PARD3B: variants seen among roughly 807,000 people sequenced by gnomAD.
PARD3B encodes the protein partitioning defective 3 homolog B.
In PARD3B, 103 loss-of-function variants were observed where a neutral mutation model predicts 130.2. The ratio of observed to expected loss-of-function variants is 0.79; its 90% CI spans 0.67 to 0.93. The LOEUF is 0.93. Among genes scored for constraint, PARD3B ranks in the 40% least tolerant of loss-of-function variants. The pLI is 0.00. For missense variants in PARD3B, 1,609 were observed against 1,499.2 expected, an observed-to-expected ratio of 1.07 and a Z score of -1.21; for synonymous variants, 583 against 553.2, an observed-to-expected ratio of 1.05 and a Z score of -0.76.
chr2:204,594,268 A>G (rs2033194977), intron 1 of PARD3B, among the ~76,000 whole-genome samples: 1 of 152,208 alleles, frequency 6.6e-6, no homozygotes, highest in African/African-American at 2.4e-5. Context: ...CAGTAAATAT[A>G]ACATCTATCT....
intron 16 of PARD3B, among the ~76,000 whole-genome samples, chr2:205,247,634 AT>A (rs1437786284): frequency 6.6e-6 from 1 of 152,166 alleles, no homozygotes; most frequent in East Asian, 1.9e-4. Flanking sequence ...CTATTTTTAT[AT>A]TTTTAAGTGC....
intron 15 of PARD3B, among the ~76,000 whole-genome samples, chr2:205,214,464 C>G (rs1325158935): frequency 6.7e-6 from 1 of 148,418 alleles, no homozygotes; most frequent in African/African-American, 2.5e-5. Flanking sequence ...TATTAGTTGT[C>G]ACGAAAAATA....
intron 2 of PARD3B, among the ~76,000 whole-genome samples, chr2:204,867,053 T>C (rs891295818): frequency 1.6e-4 from 25 of 151,828 alleles, no homozygotes; most frequent in Non-Finnish European, 2.9e-4. Context: ...TGGGCAATGA[T>C]AGTGAATGAG....
At chr2:205,090,048 A>G (rs1702010231) in intron 4 of PARD3B, among the ~76,000 whole-genome samples, 1 of 152,222 alleles carries the variant, frequency 6.6e-6, no homozygotes, top group South Asian at 2.1e-4. Flanking sequence ...CCTCAGCTAC[A>G]GAATTATTTC....
intron 16 of PARD3B, among the ~76,000 whole-genome samples, chr2:205,299,243 G>C (rs2041901506): frequency 6.6e-6 from 1 of 152,116 alleles, no homozygotes; most frequent in South Asian, 2.1e-4. Context: ...GCTAGTAGTA[G>C]TGTTCATAGT....
In PARD3B at chr2:205,269,552, G is replaced by T. The variant is rs547681689; in HGVS notation, c.2185+23730G>T. On this transcript the variant is annotated intron_variant, in intron 16 of 22. Transcript: ENST00000406610. The surrounding 1 kb of genome is among the most constrained non-coding windows in gnomAD (Gnocchi z 4.7). ...ATTTTTTTTTAAAGTTCCTTCAGGGGCAATTGGGCTGCTGGGCTGCTGATT... is the reference window on the plus strand; with the variant it reads ...ATTTTTTTTTAAAGTTCCTTCAGGGTCAATTGGGCTGCTGGGCTGCTGATT... Among the ~76,000 whole-genome samples, 13 of 152,048 alleles carry T rather than the reference G, an allele frequency of 8.5e-5. No homozygotes were observed. The South Asian group carries it at 2.7e-3, about 32-fold the overall frequency.
chr2:204,892,305 G>T (rs1458782508), intron 2 of PARD3B, among the ~76,000 whole-genome samples: 4 of 152,176 alleles, frequency 2.6e-5, no homozygotes, highest in African/African-American at 4.8e-5. Context: ...CTTGACAGGT[G>T]CAGTGGGTGG....
At chr2:205,389,942 C>A (rs1006413714) in intron 18 of PARD3B, among the ~76,000 whole-genome samples, 2 of 152,166 alleles carry the variant, frequency 1.3e-5, no homozygotes, top group African/African-American at 4.8e-5. Flanking sequence ...TAACCCCCAA[C>A]AATTTCCCTT....
intron 3 of PARD3B, among the ~76,000 whole-genome samples, chr2:204,970,058 C>A (rs1325572380): frequency 6.6e-6 from 1 of 151,912 alleles, no homozygotes; most frequent in Non-Finnish European, 1.5e-5. Context: ...ACATATAGGG[C>A]CATCTGTAAA....
intron 18 of PARD3B, among the ~76,000 whole-genome samples, chr2:205,335,292 A>G (rs1211634997): frequency 6.6e-6 from 1 of 152,218 alleles, no homozygotes; most frequent in Non-Finnish European, 1.5e-5. Context: ...AACAGACAGC[A>G]AATGTCTACA....
At chr2:205,342,775 T>C (rs2043591111) in intron 18 of PARD3B, among the ~76,000 whole-genome samples, 3 of 152,210 alleles carry the variant, frequency 2.0e-5, no homozygotes, top group Admixed American at 2.0e-4. Flanking sequence ...AGTTACTGTG[T>C]TCTTTGAACC....
At chr2:205,101,240 T>C (rs2125564931) in intron 4 of PARD3B, among the ~76,000 whole-genome samples, 1 of 152,210 alleles carries the variant, frequency 6.6e-6, no homozygotes, top group East Asian at 1.9e-4. Context: ...GAAATGTAAA[T>C]CAAAACTACA....
rs189862186 is a variant in PARD3B, at chr2:205,209,908, T to G, written c.2140+16588T>G. On this transcript the variant is annotated intron_variant, in intron 15 of 22. Coordinates refer to ENST00000406610, the MANE Select transcript of PARD3B (RefSeq NM_001302769.2). Reference sequence around the variant, plus strand: ...CATTTTAAAATAACTAAAGGATTACTGGATTGTTTGTAACGCAAAGGATAA... The same window carrying G: ...CATTTTAAAATAACTAAAGGATTACGGGATTGTTTGTAACGCAAAGGATAA... Among the ~76,000 whole-genome samples, 616 of 152,238 alleles carry G rather than the reference T, an allele frequency of 4.0e-3. 1 individual carries two copies. Among genetic ancestry groups the G allele is most frequent in the African/African-American group, 0.012 (502 of 41,566 alleles).
At chr2:204,908,851 T>G (rs890869936) in intron 2 of PARD3B, among the ~76,000 whole-genome samples, 1 of 152,248 alleles carries the variant, frequency 6.6e-6, no homozygotes, top group African/African-American at 2.4e-5. Flanking sequence ...GTTAGATTAC[T>G]TGACCAAGGG....
rs1559249600 is a variant in PARD3B, at chr2:205,591,955, T to A, written c.3261-23501T>A. Among the ~76,000 whole-genome samples the A allele has an allele frequency of 6.6e-6, 1 of 152,154 alleles. No homozygotes were observed. The highest frequency in any genetic ancestry group is 1.5e-5 in the Non-Finnish European group (1 of 68,022). ...GACACCCAGGCATGGACATTAAGAT[T>A]CAAGGCTAGGATCTCATTTAATGGT... is the stretch of plus-strand genomic sequence containing the variant. On this transcript the variant is annotated intron_variant, in intron 22 of 22. Transcript: ENST00000406610. This position sits in a 1 kb window ranked among gnomAD's most constrained non-coding sequence, Gnocchi z 4.2.
intron 2 of PARD3B, among the ~76,000 whole-genome samples, chr2:204,800,618 G>A (rs990680374): frequency 5.9e-5 from 9 of 152,174 alleles, no homozygotes; most frequent in Non-Finnish European, 4.4e-5. Context: ...AGAGCCCTTT[G>A]TCAGACAGAT....
chr2:205,032,678 C>A (rs939594172), intron 3 of PARD3B, among the ~76,000 whole-genome samples: 8 of 152,076 alleles, frequency 5.3e-5, no homozygotes, highest in African/African-American at 1.9e-4. Context: ...GAAGAAAGGG[C>A]CTGAGTGGCC....
At chr2:204,920,786 C>G in intron 2 of PARD3B, among the ~76,000 whole-genome samples, 2 of 152,170 alleles carry the variant, frequency 1.3e-5, no homozygotes, top group South Asian at 4.1e-4. Flanking sequence ...TGTCTCTGTG[C>G]GAGACTGCCC....
rs1003758808 is a variant in PARD3B at position 205,573,631 on chromosome 2, G to T, written c.3260+20228G>T. On this transcript the variant is annotated intron_variant, in intron 22 of 22. Transcript: ENST00000406610. ...GTTTGATTTTTGTGCCAAAGGAAAA[G>T]ATTTCAAAGATGCAGGTGCCTCCAA... 2.0e-5 allele frequency among the ~76,000 whole-genome samples: 3 copies of T among 152,188 alleles called. 1 individual carries two copies. The South Asian group carries it at 6.2e-4, about 32-fold the overall frequency.
Sources: allele counts gnomAD v4.1 joint callset (sites outside exome capture counted in the v4.1 genomes callset), GRCh38; gene constraint gnomAD v4.1.1; non-coding constraint Gnocchi (gnomAD v3.1); transcripts MANE v1.5; gene names NCBI Gene and HGNC (gene_info 2026-07-23, HGNC 2026-07-21).